The following LINGO2 variants were observed in gnomAD, a reference collection of about 807,000 sequenced individuals.
The protein encoded by LINGO2 is leucine-rich repeat and immunoglobulin-like domain-containing nogo receptor-interacting protein 2.
A neutral mutation model predicts 30.6 loss-of-function variants in LINGO2; 14 were observed. The observed-to-expected ratio is 0.46, with a 90% confidence interval of 0.30 to 0.72. LINGO2 has a LOEUF of 0.72. Among genes scored for constraint, LINGO2 ranks in the 30% least tolerant of loss-of-function variants. The probability of loss-of-function intolerance (pLI) is 0.07; values close to 1 mark genes in which losing one functional copy is unlikely to be tolerated. For missense variants in LINGO2, 729 were observed against 751.7 expected (o/e 0.97, Z 0.35); for synonymous variants, 317 against 288.5 (o/e 1.10, Z -1.00).
At chr9:28,471,556 C>T (rs555408090) in intron 2 of LINGO2, among the ~76,000 whole-genome samples, 27 of 152,200 alleles carry the variant, frequency 1.8e-4, no homozygotes, top group African/African-American at 3.9e-4. Flanking sequence ...GAGACACACA[C>T]GAACAATAGC....
the LINGO2 span, among the ~76,000 whole-genome samples, chr9:29,155,887 A>T: frequency 1.3e-5 from 2 of 152,060 alleles, no homozygotes; most frequent in East Asian, 3.8e-4. Flanking sequence ...GTGATGTTAA[A>T]AACTAAAATG....
intron 5 of LINGO2, among the ~76,000 whole-genome samples, chr9:27,990,460 A>C (rs1821337972): frequency 3.9e-5 from 1 of 25,684 alleles, no homozygotes; most frequent in Non-Finnish European, 2.0e-4. Flanking sequence ...AGTGGTCTCA[A>C]TACCCCCCCC....
chr9:29,149,983 G>A, the LINGO2 span, among the ~76,000 whole-genome samples: 1 of 152,096 alleles, frequency 6.6e-6, no homozygotes. Flanking sequence ...TATTGAAGGG[G>A]GCTTCCCCAA....
At chr9:29,211,815 C>T in the LINGO2 span, among the ~76,000 whole-genome samples, 1 of 152,130 alleles carries the variant, frequency 6.6e-6, no homozygotes, top group Non-Finnish European at 1.5e-5. Flanking sequence ...CCTAGCTCAC[C>T]TCGGAGCAGC....
At chr9:29,108,960 A>T in the LINGO2 span, among the ~76,000 whole-genome samples, 1 of 152,208 alleles carries the variant, frequency 6.6e-6, no homozygotes, top group South Asian at 2.1e-4. Flanking sequence ...TCTATCCTTG[A>T]CTTAGATGAA....
the LINGO2 span, among the ~76,000 whole-genome samples, chr9:28,682,067 C>G: frequency 6.6e-6 from 1 of 152,142 alleles, no homozygotes; most frequent in Non-Finnish European, 1.5e-5. Context: ...TGATTTGTTT[C>G]ACCCTTAGAG....
intron 4 of LINGO2, among the ~76,000 whole-genome samples, chr9:28,149,829 C>A (rs1447535203): frequency 1.3e-5 from 2 of 151,046 alleles, no homozygotes; most frequent in Non-Finnish European, 2.9e-5. Context: ...CTCTGCCCGG[C>A]CGCCTCACGG....
chr9:29,042,255 C>T, the LINGO2 span, among the ~76,000 whole-genome samples: 830 of 151,972 alleles, frequency 5.5e-3, 9 homozygotes, highest in African/African-American at 0.019. Context: ...TGAATGCACC[C>T]AATCTCATCT....
chr9:28,162,745 G>A (rs1587115974), intron 4 of LINGO2, among the ~76,000 whole-genome samples: 1 of 151,908 alleles, frequency 6.6e-6, no homozygotes, highest in African/African-American at 2.4e-5. Context: ...ATCTTGGTGG[G>A]GTGCTGAGAT....
chr9:28,635,680 T>TA (rs1159585758), intron 1 of LINGO2, among the ~76,000 whole-genome samples: 16 of 152,116 alleles, frequency 1.1e-4, no homozygotes, highest in African/African-American at 3.1e-4. Context: ...TAAGTAAAAG[T>TA]AAAAAAATAT....
At chr9:28,992,627 C>G in the LINGO2 span, among the ~76,000 whole-genome samples, 1 of 152,072 alleles carries the variant, frequency 6.6e-6, no homozygotes, top group African/African-American at 2.4e-5. Flanking sequence ...AAGCTCTCCT[C>G]AGCAAATGTA....
chr9:28,877,953 G>T, the LINGO2 span, among the ~76,000 whole-genome samples: 1 of 152,064 alleles, frequency 6.6e-6, no homozygotes, highest in African/African-American at 2.4e-5. Context: ...AGTTCTCCTT[G>T]AAGAGGTCCT....
chr9:29,161,812 G>T, the LINGO2 span, among the ~76,000 whole-genome samples: 22 of 152,142 alleles, frequency 1.4e-4, no homozygotes, highest in South Asian at 2.1e-3. Context: ...AACTATAAGG[G>T]TTTTACTTTC....
chr9:28,700,743 G>A, the LINGO2 span, among the ~76,000 whole-genome samples: 24 of 152,000 alleles, frequency 1.6e-4, no homozygotes, highest in African/African-American at 5.8e-4. Context: ...TTCCAAAGTG[G>A]CTGTACCACT....
the LINGO2 span, among the ~76,000 whole-genome samples, chr9:29,014,325 A>G: frequency 6.6e-6 from 1 of 152,186 alleles, no homozygotes; most frequent in African/African-American, 2.4e-5. Context: ...GTTAACCATC[A>G]TGGGATCTGG....
intron 1 of LINGO2, among the ~76,000 whole-genome samples, chr9:28,657,905 A>C (rs1828424554): frequency 6.6e-6 from 1 of 151,866 alleles, no homozygotes; most frequent in African/African-American, 2.4e-5. Context: ...TCCCTTTAAC[A>C]CTGCTTTTAC....
chr9:28,826,794 G>C, the LINGO2 span, among the ~76,000 whole-genome samples: 1 of 152,176 alleles, frequency 6.6e-6, no homozygotes, highest in Non-Finnish European at 1.5e-5. Context: ...ACCCAGGACA[G>C]GGTCTAATGT....
At chr9:28,680,029 T>C in the LINGO2 span, among the ~76,000 whole-genome samples, 1 of 151,992 alleles carries the variant, frequency 6.6e-6, no homozygotes, top group African/African-American at 2.4e-5. Context: ...ATATTCTAGG[T>C]GACTGTGTTA....
At chr9:28,243,739 A>G (rs1055048434) in intron 4 of LINGO2, among the ~76,000 whole-genome samples, 9 of 152,192 alleles carry the variant, frequency 5.9e-5, no homozygotes, top group Admixed American at 1.3e-4. Context: ...AGGGCGTTAC[A>G]TAATGGTAAA....
Sources: allele counts gnomAD v4.1 joint callset (sites outside exome capture counted in the v4.1 genomes callset), GRCh38; gene constraint gnomAD v4.1.1; transcripts MANE v1.5; gene names NCBI Gene and HGNC (gene_info 2026-07-23, HGNC 2026-07-21).